CDIN1: variants seen among roughly 807,000 people sequenced by gnomAD.
CDIN1 encodes CDAN1-interacting nuclease 1.
A neutral mutation model predicts 45.3 loss-of-function variants in CDIN1; 33 were observed. The observed-to-expected ratio is 0.73, with a 90% confidence interval of 0.55 to 0.97. The LOEUF is 0.97. CDIN1 is among the 50% of genes least tolerant of loss of function. The pLI, the probability that CDIN1 is intolerant of heterozygous loss-of-function variation, is 0.00. For missense variants in CDIN1, 303 were observed against 339.4 expected, an observed-to-expected ratio of 0.89 and a Z score of 0.84; for synonymous variants, 118 against 124.4, an observed-to-expected ratio of 0.95 and a Z score of 0.34.
chr15:36,662,674 C>A (rs2041062029), intron 5 of CDIN1, among the ~76,000 whole-genome samples: 1 of 152,056 alleles, frequency 6.6e-6, no homozygotes, highest in Admixed American at 6.6e-5. Flanking sequence ...TGCAGATTGT[C>A]AAGAGCTATT....
At chr15:36,689,001 G>A (rs2042152418) in intron 5 of CDIN1, among the ~76,000 whole-genome samples, 1 of 152,160 alleles carries the variant, frequency 6.6e-6, no homozygotes, top group African/African-American at 2.4e-5. Flanking sequence ...AAGACATTTT[G>A]TTGAGGTTAA....
intron 1 of CDIN1, among the ~76,000 whole-genome samples, chr15:36,643,414 C>T (rs1320525972): frequency 2.0e-5 from 3 of 151,990 alleles, no homozygotes; most frequent in East Asian, 1.9e-4. Flanking sequence ...CTATAAAAGT[C>T]GAATTATCTA....
intron 5 of CDIN1, among the ~76,000 whole-genome samples, chr15:36,672,842 T>C (rs937717884): frequency 6.6e-5 from 10 of 151,806 alleles, no homozygotes; most frequent in Non-Finnish European, 1.3e-4. Flanking sequence ...ACTAAGTGCC[T>C]TTTTATTTTT....
intron 10 of CDIN1, among the ~76,000 whole-genome samples, chr15:36,771,325 C>T (rs2054071584): frequency 6.6e-6 from 1 of 151,998 alleles, no homozygotes; most frequent in African/African-American, 2.4e-5. Context: ...ACATTCTGCA[C>T]ATGTATCCCA....
At chr15:36,732,530 C>T (rs894905450) in intron 10 of CDIN1, among the ~76,000 whole-genome samples, 2 of 152,004 alleles carry the variant, frequency 1.3e-5, no homozygotes, top group African/African-American at 4.8e-5. Context: ...AAAAAATGTC[C>T]TTTCTTTGAA....
intron 10 of CDIN1, among the ~76,000 whole-genome samples, chr15:36,769,864 C>T (rs770598464): frequency 4.6e-5 from 7 of 152,084 alleles, no homozygotes; most frequent in Non-Finnish European, 7.3e-5. Flanking sequence ...AGAACCTGTG[C>T]GATAAATGAT....
chr15:36,637,911 C>G (rs767933960), intron 1 of CDIN1, among the ~76,000 whole-genome samples: 1 of 151,988 alleles, frequency 6.6e-6, no homozygotes, highest in Non-Finnish European at 1.5e-5. Flanking sequence ...GGTGGTAAAA[C>G]TATCAAGAAA....
Position 36,757,661 on chromosome 15 carries a change from C to T in CDIN1, c.716+47700C>T, listed in dbSNP as rs117228556. On this transcript the variant is annotated intron_variant, in intron 10 of 10. Transcript: ENST00000566621. Reference sequence around the variant, plus strand: ...GCACATCCATGCTGTGTACACTACCCGCCTGTTAGCAGCCACATCTTCTGC... The same window carrying T: ...GCACATCCATGCTGTGTACACTACCTGCCTGTTAGCAGCCACATCTTCTGC... Among the ~76,000 whole-genome samples, 401 of 152,196 alleles carry T rather than the reference C, an allele frequency of 2.6e-3. 4 individuals carry two copies. The highest frequency in any genetic ancestry group is 4.4e-3 in the Non-Finnish European group (299 of 68,012).
intron 1 of CDIN1, among the ~76,000 whole-genome samples, chr15:36,612,012 AGTGCT>A (rs1181154777): frequency 1.3e-5 from 2 of 152,220 alleles, no homozygotes; most frequent in African/African-American, 4.8e-5. Context: ...ACTTGGATAG[AGTGCT>A]GTTCCCATGA....
intron 10 of CDIN1, among the ~76,000 whole-genome samples, chr15:36,783,726 T>C (rs2054411937): frequency 6.6e-6 from 1 of 152,136 alleles, no homozygotes; most frequent in Non-Finnish European, 1.5e-5. Context: ...CTTGCGGAAG[T>C]TTAATTTACC....
At chr15:36,645,585 T>A (rs2040292807) in intron 3 of CDIN1, among the ~76,000 whole-genome samples, 1 of 151,432 alleles carries the variant, frequency 6.6e-6, no homozygotes, top group Non-Finnish European at 1.5e-5. Context: ...GTTGGCTACT[T>A]GAAACTTATT....
chr15:36,586,595 A>G (rs1437432904), intron 1 of CDIN1, among the ~76,000 whole-genome samples: 1 of 152,176 alleles, frequency 6.6e-6, no homozygotes, highest in Non-Finnish European at 1.5e-5. Flanking sequence ...AGCAACAACA[A>G]TAACAACAAA....
chr15:36,581,412 C>A (rs2037038860), intron 1 of CDIN1, among the ~76,000 whole-genome samples: 2 of 152,162 alleles, frequency 1.3e-5, no homozygotes, highest in Admixed American at 1.3e-4. Flanking sequence ...CTTACAAAAG[C>A]CTCCCTTCTG....
chr15:36,611,791 T>C (rs1055226749), intron 1 of CDIN1, among the ~76,000 whole-genome samples: 1 of 152,230 alleles, frequency 6.6e-6, no homozygotes. Flanking sequence ...GTTGTTTTTT[T>C]GGTGGTATCT....
chr15:36,694,355 A>G (rs1380209407), intron 7 of CDIN1, among the ~76,000 whole-genome samples: 3 of 152,128 alleles, frequency 2.0e-5, no homozygotes, highest in African/African-American at 7.2e-5. Context: ...TGTTTTTCTG[A>G]TAGTTTAGTA....
intron 3 of CDIN1, 22 bp downstream of exon 3, chr15:36,645,309 A>G (rs1245258816): frequency 3.9e-6 from 6 of 1,519,070 alleles, no homozygotes; most frequent in Non-Finnish European, 3.6e-6. Flanking sequence ...CTGCCCCACT[A>G]GAGGGTATCA....
chr15:36,652,448 C>T (rs2040610132), intron 3 of CDIN1, among the ~76,000 whole-genome samples: 1 of 152,162 alleles, frequency 6.6e-6, no homozygotes, highest in Admixed American at 6.5e-5. Flanking sequence ...TACAGGCACA[C>T]AATCAGCTGG....
intron 5 of CDIN1, among the ~76,000 whole-genome samples, chr15:36,687,290 T>A (rs2042094282): frequency 6.6e-6 from 1 of 151,806 alleles, no homozygotes; most frequent in South Asian, 2.1e-4. Context: ...TTTTAGAAAA[T>A]CCAACAAAAT....
chr15:36,738,995 A>G (rs1369907973), intron 10 of CDIN1, among the ~76,000 whole-genome samples: 2 of 152,264 alleles, frequency 1.3e-5, no homozygotes, highest in Admixed American at 1.3e-4. Context: ...CTAATGTTAC[A>G]ACATTTGATG....
Sources: gnomAD v4.1 joint callset for allele counts (sites outside exome capture counted in the v4.1 genomes callset) on GRCh38, gnomAD v4.1.1 for gene constraint, MANE v1.5 for transcripts, NCBI Gene and HGNC (gene_info 2026-07-23, HGNC 2026-07-21) for gene names.